Variants in CTNNA2 observed in about 807,000 individuals in gnomAD.
CTNNA2 encodes the protein catenin alpha-2.
In CTNNA2, 42 loss-of-function variants were observed where a neutral mutation model predicts 101.0. The ratio of observed to expected loss-of-function variants is 0.42; its 90% CI spans 0.32 to 0.54. CTNNA2 has a LOEUF of 0.54. Among genes scored for constraint, CTNNA2 ranks in the 20% least tolerant of loss-of-function variants. CTNNA2 has a pLI of 0.14. For synonymous variants in CTNNA2, 450 were observed against 456.4 expected (o/e 0.99, Z 0.18); for missense variants, 871 against 1,223.1 (o/e 0.71, Z 4.29).
chr2:79,338,645 A>T (rs868528186), intron 3 of CTNNA2, among the ~76,000 whole-genome samples: 25 of 53,922 alleles, frequency 4.6e-4, no homozygotes, highest in Non-Finnish European at 9.3e-4. Flanking sequence ...TTCTTCTTCA[A>T]AGATTCCTCT....
chr2:79,928,827 C>A (rs10200994), intron 7 of CTNNA2, among the ~76,000 whole-genome samples: 13,016 of 152,078 alleles, frequency 0.086, 647 homozygotes, highest in East Asian at 0.2. Context: ...ATAGTCCAAC[C>A]ATTCCTGAAA....
At chr2:80,260,953 T>A (rs1201289999) in intron 7 of CTNNA2, among the ~76,000 whole-genome samples, 4 of 152,126 alleles carry the variant, frequency 2.6e-5, no homozygotes, top group Non-Finnish European at 4.4e-5. Context: ...GGGAACCACA[T>A]GTGGAAGGAT....
At chr2:79,333,492 T>C (rs1676923961) in intron 3 of CTNNA2, among the ~76,000 whole-genome samples, 1 of 152,154 alleles carries the variant, frequency 6.6e-6, no homozygotes, top group Admixed American at 6.5e-5. Flanking sequence ...AAACTAAGCA[T>C]TAGAATTAAA....
chr2:80,107,120 T>A (rs1180679381), intron 7 of CTNNA2, among the ~76,000 whole-genome samples: 1 of 152,184 alleles, frequency 6.6e-6, no homozygotes, highest in Admixed American at 6.5e-5. Flanking sequence ...AGGTCCCTGG[T>A]GAAGTCCCAC....
At chr2:79,423,654 ATTGT>A (rs1396056704) in intron 4 of CTNNA2, among the ~76,000 whole-genome samples, 1 of 152,148 alleles carries the variant, frequency 6.6e-6, no homozygotes, top group Non-Finnish European at 1.5e-5. Flanking sequence ...CACTTTATAG[ATTGT>A]TTATTTCAAC....
rs542860635 is a variant in CTNNA2, at chr2:80,216,115, G to A, written c.1057-177096G>A. Among the ~76,000 whole-genome samples the A allele has an allele frequency of 1.4e-4, 21 of 152,262 alleles. No homozygotes were observed. The South Asian group carries it at 2.7e-3, about 20-fold the overall frequency. On this transcript the variant is annotated intron_variant, in intron 7 of 18. Transcript: ENST00000402739. ...CATTTGCTAAGACTGTTGGAAAAGC[G>A]CAGTATTAGGGTGGGAGTATACCGA...
rs371118068 is a variant in CTNNA2, at chr2:79,211,897, C to T, written c.-406+13821C>T. Among the ~76,000 whole-genome samples the T allele has an allele frequency of 1.4e-3, 219 of 152,142 alleles. 1 individual carries two copies. Among genetic ancestry groups the T allele is most frequent in the Middle Eastern group, 3.4e-3 (1 of 294 alleles). On this transcript the variant is annotated intron_variant, in intron 2 of 21. Coordinates refer to the CTNNA2 transcript ENST00000466387. ...GCTTCGAGCGGGATTAGGGGCGGCG[C>T]GGGAACCTAGAGTGGGAGAGATTAA...
intron 3 of CTNNA2, among the ~76,000 whole-genome samples, chr2:79,318,939 A>G (rs1257816694): frequency 2.0e-5 from 3 of 152,214 alleles, no homozygotes; most frequent in African/African-American, 7.2e-5. Context: ...CTATGCTAAT[A>G]TCAACTGACT....
chr2:79,665,222 T>G (rs1682329868), intron 2 of CTNNA2, among the ~76,000 whole-genome samples: 1 of 152,188 alleles, frequency 6.6e-6, no homozygotes, highest in African/African-American at 2.4e-5. Flanking sequence ...TTATGTTAGA[T>G]GCTGCCTTCT....
chr2:79,529,080 T>C (rs1362469495), intron 1 of CTNNA2, among the ~76,000 whole-genome samples: 1 of 152,172 alleles, frequency 6.6e-6, no homozygotes, highest in African/African-American at 2.4e-5. Flanking sequence ...AAAACTTTCC[T>C]ATAAAGATAA....
intron 1 of CTNNA2, among the ~76,000 whole-genome samples, chr2:79,609,624 G>C (rs1390688508): frequency 1.3e-5 from 2 of 152,094 alleles, no homozygotes; most frequent in Non-Finnish European, 2.9e-5. Flanking sequence ...AAAATAGAAA[G>C]TCCAGGAATA....
intron 2 of CTNNA2, among the ~76,000 whole-genome samples, chr2:79,730,936 G>T (rs1251350262): frequency 6.6e-6 from 1 of 151,738 alleles, no homozygotes; most frequent in African/African-American, 2.4e-5. Flanking sequence ...GATGCAATGA[G>T]GTTTATATCC....
chr2:79,302,648 T>C (rs17040645), intron 2 of CTNNA2, among the ~76,000 whole-genome samples: 12,993 of 152,176 alleles, frequency 0.085, 602 homozygotes, highest in African/African-American at 0.1. Context: ...TTTGAGAAAG[T>C]ACCCTTTCAA....
chr2:79,734,087 T>C (rs72822581), intron 2 of CTNNA2, among the ~76,000 whole-genome samples: 2,793 of 152,256 alleles, frequency 0.018, 33 homozygotes, highest in African/African-American at 0.037. Context: ...GAATTTTTAA[T>C]TTCTAGGGAC....
intron 7 of CTNNA2, among the ~76,000 whole-genome samples, chr2:80,200,208 A>G (rs1051935416): frequency 3.3e-5 from 5 of 152,192 alleles, no homozygotes; most frequent in Non-Finnish European, 7.3e-5. Flanking sequence ...GTGCCAGACA[A>G]TGTATCATAT....
chr2:80,539,984 T>A (rs909889447), intron 9 of CTNNA2, among the ~76,000 whole-genome samples: 2 of 152,176 alleles, frequency 1.3e-5, no homozygotes, highest in East Asian at 3.9e-4. Context: ...AGCAAGTATA[T>A]CCCATAAACA....
At chr2:80,046,250 G>A (rs560343094) in intron 7 of CTNNA2, among the ~76,000 whole-genome samples, 1 of 152,206 alleles carries the variant, frequency 6.6e-6, no homozygotes, top group Non-Finnish European at 1.5e-5. Flanking sequence ...TGACCTTGAT[G>A]CCATCAATTG....
chr2:79,854,123 ATT>A (rs5832413), intron 3 of CTNNA2, among the ~76,000 whole-genome samples: 4,559 of 150,518 alleles, frequency 0.03, 124 homozygotes, highest in East Asian at 0.14. Flanking sequence ...GCAGAGCACC[ATT>A]TTTTTTTTAT....
chr2:80,327,462 C>G (rs147229259), intron 7 of CTNNA2, among the ~76,000 whole-genome samples: 1 of 147,804 alleles, frequency 6.8e-6, no homozygotes, highest in African/African-American at 2.5e-5. Context: ...CCTTGATATA[C>G]CAACAACTAG....
Sources: allele counts gnomAD v4.1 joint callset (sites outside exome capture counted in the v4.1 genomes callset), GRCh38; gene constraint gnomAD v4.1.1; transcripts MANE v1.5; gene names NCBI Gene and HGNC (gene_info 2026-07-23, HGNC 2026-07-21).